RPS6KA6: variants seen among roughly 807,000 people sequenced by gnomAD.
RPS6KA6 encodes ribosomal protein S6 kinase alpha-6.
RPS6KA6 carries 27 observed loss-of-function variants against 65.4 expected under a neutral mutation model. That is an observed-to-expected ratio of 0.41 (90% CI 0.30 to 0.57). The LOEUF is 0.57. RPS6KA6 is among the 20% of genes least tolerant of loss of function. RPS6KA6 has a pLI of 0.24. For missense variants in RPS6KA6, 486 were observed against 555.6 expected (o/e 0.87, Z 1.26); for synonymous variants, 190 against 184.2 (o/e 1.03, Z -0.26).
At chrX:84,179,569 T>C (rs1207177156) in intron 1 of RPS6KA6, among the ~76,000 whole-genome samples, 1 of 111,837 alleles carries the variant, frequency 8.9e-6, no homozygotes, top group Non-Finnish European at 1.9e-5. Flanking sequence ...AAATTAATAT[T>C]GTTCATAGAT....
At chrX:84,159,615 G>A (rs2035478173) in intron 2 of RPS6KA6, among the ~76,000 whole-genome samples, 1 of 110,802 alleles carries the variant, frequency 9.0e-6, no homozygotes, top group Admixed American at 9.7e-5. Flanking sequence ...GTGAATTTGA[G>A]GATAGAGAAC....
At chrX:84,165,203 T>C (rs1226712321) in intron 1 of RPS6KA6, among the ~76,000 whole-genome samples, 3 of 110,037 alleles carry the variant, frequency 2.7e-5, no homozygotes, top group Non-Finnish European at 5.7e-5. Context: ...ACTAAGATGT[T>C]TGAAAATTAG....
At chrX:84,143,536 G>C (rs182690226) in intron 6 of RPS6KA6, among the ~76,000 whole-genome samples, 1 of 111,260 alleles carries the variant, frequency 9.0e-6, no homozygotes, top group Non-Finnish European at 1.9e-5. Context: ...AGAAATTAAA[G>C]ATGACCTAAA....
At chrX:84,168,436 C>T (rs1440349172) in intron 1 of RPS6KA6, among the ~76,000 whole-genome samples, 1 of 111,376 alleles carries the variant, frequency 9.0e-6, no homozygotes, top group African/African-American at 3.3e-5. Context: ...GCTCTTTCTT[C>T]AGGGTTTCCC....
chrX:84,107,685 G>T lies in RPS6KA6; in HGVS notation c.1049C>A (p.Ala350Asp), dbSNP rs1475628930. 33 of 1,200,009 alleles carry T rather than the reference G, an allele frequency of 2.7e-5. No homozygotes were observed. Among genetic ancestry groups the T allele is most frequent in the Non-Finnish European group, 3.7e-5 (33 of 887,705 alleles). Reference sequence around the variant, plus strand: ...AAAAGTATCATCTGGTTTTCCAGAAGCAGGTTTGAAAGGAGGTTGAACTTC... The same window carrying T: ...AAAAGTATCATCTGGTTTTCCAGAATCAGGTTTGAAAGGAGGTTGAACTTC... ...KREVQPPFKP[A>D]SGKPDDTFCF... Residue 350 changes from alanine to aspartate, a missense_variant, in exon 13 of 22, where the codon GCT becomes GAT. By Grantham distance (126) the Ala-to-Asp change is moderately radical (BLOSUM62 -2). This residue lies in a region of RPS6KA6 where 345 missense variants were observed against 375.0 expected (regional missense o/e 0.92). Transcript: ENST00000262752.
intron 6 of RPS6KA6, among the ~76,000 whole-genome samples, chrX:84,139,853 G>A (rs994771541): frequency 8.9e-6 from 1 of 111,926 alleles, no homozygotes; most frequent in Non-Finnish European, 1.9e-5. Context: ...GACAAATGAC[G>A]TATGCCCCAC....
intron 1 of RPS6KA6, among the ~76,000 whole-genome samples, chrX:84,180,404 A>AT (rs1468108033): frequency 9.1e-6 from 1 of 110,209 alleles, no homozygotes; most frequent in African/African-American, 3.3e-5. Flanking sequence ...TTATTTTTTT[A>AT]TTTTTTTGCA....
At chrX:84,165,658 T>C in intron 1 of RPS6KA6, among the ~76,000 whole-genome samples, 2 of 111,381 alleles carry the variant, frequency 1.8e-5, no homozygotes, top group South Asian at 7.6e-4. Flanking sequence ...ACACACTTTC[T>C]CTTTTTTGAT....
chrX:84,149,721 G>A (rs780299119), intron 3 of RPS6KA6, among the ~76,000 whole-genome samples: 7 of 111,080 alleles, frequency 6.3e-5, no homozygotes, highest in Admixed American at 9.6e-5. Context: ...TTCAGGCTTT[G>A]TTCTATTTAT....
intron 3 of RPS6KA6, among the ~76,000 whole-genome samples, chrX:84,154,209 T>G (rs749807601): frequency 1.8e-5 from 2 of 111,494 alleles, no homozygotes; most frequent in South Asian, 7.5e-4. Context: ...TTACAGACCC[T>G]TATGTCATGC....
At chrX:84,163,581 G>T (rs1008436912) in intron 2 of RPS6KA6, among the ~76,000 whole-genome samples, 1 of 100,757 alleles carries the variant, frequency 9.9e-6, no homozygotes, top group East Asian at 3.3e-4. Flanking sequence ...GGAGCTTGCA[G>T]TGAGCCGAGA....
chrX:84,140,733 C>CAAAAAA (rs776505772), intron 6 of RPS6KA6, among the ~76,000 whole-genome samples: 3 of 41,760 alleles, frequency 7.2e-5, no homozygotes, highest in Non-Finnish European at 1.1e-4. Flanking sequence ...GACTCCATCT[C>CAAAAAA]AAAAAAAAAA....
chrX:84,093,520 T>C (rs1271628953), intron 20 of RPS6KA6, among the ~76,000 whole-genome samples: 1 of 112,029 alleles, frequency 8.9e-6, no homozygotes, highest in African/African-American at 3.2e-5. Flanking sequence ...ATGTCAACAC[T>C]ATCCCTAATA....
At chrX:84,176,858 G>T (rs942921540) in intron 1 of RPS6KA6, among the ~76,000 whole-genome samples, 1 of 111,713 alleles carries the variant, frequency 9.0e-6, no homozygotes, top group African/African-American at 3.2e-5. Flanking sequence ...GTGGAAAAAA[G>T]TCAAAAATAG....
At chrX:84,117,313 C>A in intron 10 of RPS6KA6, 71 bp downstream of exon 10, 1 of 745,307 alleles carries the variant, frequency 1.3e-6, no homozygotes, top group South Asian at 3.1e-5. Context: ...ATTTTAAAAC[C>A]GCAATAATTT....
chrX:84,142,966 C>T (rs1227452872), intron 6 of RPS6KA6, among the ~76,000 whole-genome samples: 1 of 111,016 alleles, frequency 9.0e-6, no homozygotes, highest in East Asian at 2.8e-4. Context: ...GCAAAAACTA[C>T]ACCCAACTCA....
intron 20 of RPS6KA6, among the ~76,000 whole-genome samples, chrX:84,089,475 G>A (rs951780149): frequency 6.3e-5 from 7 of 111,429 alleles, no homozygotes; most frequent in Admixed American, 5.7e-4. Context: ...CTGCCTTGCT[G>A]GAATTCCTGG....
chrX:84,102,344 G>A, intron 17 of RPS6KA6, 146 bp from the exon 18 acceptor site: 1 of 307,909 alleles, frequency 3.2e-6, no homozygotes, highest in Non-Finnish European at 5.5e-6. Context: ...TTTTGCTCAA[G>A]CTTAATAGCC....
intron 20 of RPS6KA6, among the ~76,000 whole-genome samples, chrX:84,090,312 C>G (rs779521597): frequency 4.5e-5 from 5 of 112,146 alleles, no homozygotes; most frequent in Admixed American, 1.9e-4. Flanking sequence ...ATGTACCTTC[C>G]TAGCTTGGCT....
Sources: gnomAD v4.1 joint callset for allele counts (sites outside exome capture counted in the v4.1 genomes callset) on GRCh38, gnomAD v4.1.1 for gene constraint, gnomAD v4.1.1 regional missense constraint, MANE v1.5 for transcripts, NCBI Gene and HGNC (gene_info 2026-07-23, HGNC 2026-07-21) for gene names.